Variants in RIN3 observed in about 807,000 individuals in gnomAD.
RIN3 encodes RAB5 interacting protein 3.
RIN3 carries 54 observed loss-of-function variants against 76.3 expected under a neutral mutation model. The ratio of observed to expected loss-of-function variants is 0.71; its 90% CI spans 0.57 to 0.89. RIN3 has a LOEUF of 0.89. Among genes scored for constraint, RIN3 ranks in the 40% least tolerant of loss-of-function variants. The probability of loss-of-function intolerance (pLI) is 0.00; values close to 1 mark genes in which losing one functional copy is unlikely to be tolerated. For synonymous variants in RIN3, 576 were observed against 564.0 expected (o/e 1.02, Z -0.30); for missense variants, 1,256 against 1,322.1 (o/e 0.95, Z 0.78).
chr14:92,557,131 G>A (rs191121044), intron 2 of RIN3, among the ~76,000 whole-genome samples: 2 of 152,180 alleles, frequency 1.3e-5, no homozygotes, highest in African/African-American at 2.4e-5. Context: ...GCATATTCAC[G>A]TAGCGGCAAG....
At chr14:92,519,521 C>G (rs529240612) in intron 1 of RIN3, among the ~76,000 whole-genome samples, 1 of 152,098 alleles carries the variant, frequency 6.6e-6, no homozygotes, top group Admixed American at 6.5e-5. Context: ...CTGAGGAGAT[C>G]GCAGACAGCC....
At position 92,651,776 on chromosome 14, in the gene RIN3, T is replaced by C; in HGVS notation, c.727T>C (p.Cys243Arg). 1 of 1,614,088 alleles carries C rather than the reference T, an allele frequency of 6.2e-7. No homozygotes were observed. The highest frequency in any genetic ancestry group is 8.5e-7 in the Non-Finnish European group (1 of 1,179,988). The change falls in exon 6 of 10, where the codon TGC becomes CGC. Residue 243 changes from cysteine to arginine, a missense_variant. Physicochemically the swap from Cys to Arg is radical, Grantham distance 180. This residue lies in a region of RIN3 where 610 missense variants were observed against 626.4 expected (regional missense o/e 0.97). Coordinates refer to ENST00000216487, the MANE Select transcript of RIN3 (RefSeq NM_024832.5). ...WFVNPIFIEDCSSALPTDQPP... is the reference protein window; with the variant it reads ...WFVNPIFIEDRSSALPTDQPP... The stretch of plus-strand genomic sequence containing the variant: ...TGTGAATCCTATTTTCATCGAGGAC[T>C]GCAGCAGCGCCCTGCCCACCGACCA...
At position 92,653,846 on chromosome 14, in the gene RIN3, C is replaced by T. The variant is rs139314154; in HGVS notation, c.2026+771C>T. 8.5e-5 allele frequency among the ~76,000 whole-genome samples: 13 copies of T among 152,166 alleles called. No homozygotes were observed. The East Asian group carries it at 1.2e-3, about 14-fold the overall frequency. On this transcript the variant is annotated intron_variant, in intron 6 of 9. Transcript: ENST00000216487. ...CAGCCTGGGCAACATGGCAAAACCC[C>T]GTCTCTACAAAAAATACAAAAATTA... is the stretch of plus-strand genomic sequence containing the variant.
rs113302396 is a variant in RIN3, at chr14:92,688,044, G to T, written c.2750G>T (p.Arg917Leu). ...AQCAEKFAVERPQAHRLFVLV... is the reference protein window; with the variant it reads ...AQCAEKFAVELPQAHRLFVLV... The stretch of plus-strand genomic sequence containing the variant: ...TGCGCGGAGAAGTTCGCGGTGGAGC[G>T]GCCGCAGGCGCACCGGCTGTTCGTG... Residue 917 changes from arginine to leucine, a missense_variant, in exon 10 of 10, where the codon CGG becomes CTG. Transcript: ENST00000216487. 8 of 1,598,764 alleles carry T rather than the reference G, an allele frequency of 5.0e-6. No homozygotes were observed. The highest frequency in any genetic ancestry group is 6.8e-6 in the Non-Finnish European group (8 of 1,174,192).
intron 4 of RIN3, among the ~76,000 whole-genome samples, chr14:92,625,265 C>G (rs1055206207): frequency 2.0e-5 from 3 of 152,050 alleles, no homozygotes; most frequent in African/African-American, 7.2e-5. Context: ...AATGGACTTT[C>G]TGAAATTAAC....
chr14:92,521,587 G>A (rs1595385784), intron 1 of RIN3, among the ~76,000 whole-genome samples: 1 of 151,984 alleles, frequency 6.6e-6, no homozygotes, highest in African/African-American at 2.4e-5. Context: ...TGCCTTTCTC[G>A]CCATGTGACA....
rs903868503 is a variant in RIN3, at chr14:92,514,948, C to T, written c.44+972C>T. On this transcript the variant is annotated intron_variant, in intron 1 of 9. Transcript: ENST00000216487. The surrounding 1 kb of genome is among the most constrained non-coding windows in gnomAD (Gnocchi z 7.2). ...CCGGGCCTACTTCTCTGATGGACAC[C>T]CTGCCGCTCCCTGGCTTGGCAGTGG... Among the ~76,000 whole-genome samples the T allele has an allele frequency of 6.6e-6, 1 of 152,184 alleles. No homozygotes were observed. Among genetic ancestry groups the T allele is most frequent in the African/African-American group, 2.4e-5 (1 of 41,434 alleles).
chr14:92,635,131 G>T (rs1201812859), intron 4 of RIN3, among the ~76,000 whole-genome samples: 1 of 152,178 alleles, frequency 6.6e-6, no homozygotes, highest in Admixed American at 6.5e-5. Context: ...AAGAACTAAG[G>T]ACTCGGCATT....
intron 3 of RIN3, among the ~76,000 whole-genome samples, chr14:92,582,865 G>A (rs1325622244): frequency 2.6e-5 from 4 of 152,132 alleles, no homozygotes; most frequent in Admixed American, 6.5e-5. Flanking sequence ...TTTCTTTGCC[G>A]AGTTAATGTG....
chr14:92,595,130 C>T (rs1013015782), intron 3 of RIN3, among the ~76,000 whole-genome samples: 1 of 152,158 alleles, frequency 6.6e-6, no homozygotes, highest in African/African-American at 2.4e-5. Context: ...TGTCTGTGTC[C>T]TCAAGGAGCT....
chr14:92,607,452 CA>C (rs1455943100), intron 3 of RIN3, among the ~76,000 whole-genome samples: 1 of 152,168 alleles, frequency 6.6e-6, no homozygotes, highest in Non-Finnish European at 1.5e-5. Flanking sequence ...CCCATCTCTA[CA>C]AAAAATTTAA....
At chr14:92,614,978 G>T (rs2140102976) in intron 3 of RIN3, among the ~76,000 whole-genome samples, 1 of 151,426 alleles carries the variant, frequency 6.6e-6, no homozygotes, top group South Asian at 2.1e-4. Flanking sequence ...CAAGTAGCTG[G>T]GATTACAGGT....
intron 8 of RIN3, among the ~76,000 whole-genome samples, chr14:92,682,198 A>G (rs10139162): frequency 0.42 from 64,444 of 151,990 alleles, 14,139 homozygotes; most frequent in East Asian, 0.59. Flanking sequence ...TCTCTTTTCT[A>G]TACTGCTATG....
intron 1 of RIN3, among the ~76,000 whole-genome samples, chr14:92,528,934 C>T (rs1157097442): frequency 6.6e-6 from 1 of 152,156 alleles, no homozygotes; most frequent in African/African-American, 2.4e-5. Flanking sequence ...TGTCCTCTGC[C>T]TCTGATGGAA....
At chr14:92,597,098 G>A (rs1382745285) in intron 3 of RIN3, among the ~76,000 whole-genome samples, 1 of 152,204 alleles carries the variant, frequency 6.6e-6, no homozygotes, top group Non-Finnish European at 1.5e-5. Context: ...CCATGGGGAG[G>A]TGTCACGTAT....
chr14:92,676,345 A>G (rs192531062), intron 7 of RIN3, 130 bp from the exon 8 acceptor site: 1 of 1,082,900 alleles, frequency 9.2e-7, no homozygotes, highest in Admixed American at 2.1e-5. Context: ...GAGTCATGAG[A>G]GAGCAGGAAC....
At chr14:92,684,939 G>A in intron 8 of RIN3, 48 bp from the exon 9 acceptor site, 1 of 1,576,768 alleles carries the variant, frequency 6.3e-7, no homozygotes, top group Non-Finnish European at 8.7e-7. Flanking sequence ...CTTGCCTCTG[G>A]TGGGCGGAGG....
At chr14:92,659,126 G>A in intron 6 of RIN3, 35 bp from the exon 7 acceptor site, 5 of 1,606,450 alleles carry the variant, frequency 3.1e-6, no homozygotes, top group Non-Finnish European at 4.3e-6. Flanking sequence ...CCCTGCATCT[G>A]GTTTCCTCAC....
At chr14:92,564,685 AATC>A (rs1454891192) in intron 2 of RIN3, among the ~76,000 whole-genome samples, 1 of 152,162 alleles carries the variant, frequency 6.6e-6, no homozygotes. Context: ...GGGAATCCTA[AATC>A]ATCAAAGAAA....
Sources: allele counts gnomAD v4.1 joint callset (sites outside exome capture counted in the v4.1 genomes callset), GRCh38; gene constraint gnomAD v4.1.1; regional missense constraint gnomAD v4.1.1; non-coding constraint Gnocchi (gnomAD v3.1); transcripts MANE v1.5; gene names NCBI Gene and HGNC (gene_info 2026-07-23, HGNC 2026-07-21).